Variants in FMNL2 observed in about 807,000 individuals in gnomAD.
The protein encoded by FMNL2 is formin like 2, also known as formin-like protein 2.
Under a neutral mutation model 130.2 loss-of-function variants are expected in FMNL2, and 51 were observed. The ratio of observed to expected loss-of-function variants is 0.39; its 90% CI spans 0.31 to 0.49. The LOEUF is 0.49. FMNL2 is among the 20% of genes least tolerant of loss of function. FMNL2 has a pLI of 0.85. For synonymous variants in FMNL2, 465 were observed against 467.1 expected (o/e 1.00, Z 0.06); for missense variants, 977 against 1,316.2 (o/e 0.74, Z 3.99).
chr2:152,422,066 T>C (rs547523390), intron 1 of FMNL2, among the ~76,000 whole-genome samples: 6 of 152,196 alleles, frequency 3.9e-5, no homozygotes, highest in African/African-American at 1.4e-4. Flanking sequence ...TCTAATCACC[T>C]TTGTAAATCT....
chr2:152,605,791 G>A (rs985482117), intron 9 of FMNL2, among the ~76,000 whole-genome samples: 3 of 152,178 alleles, frequency 2.0e-5, no homozygotes, highest in Admixed American at 2.0e-4. Flanking sequence ...GAGACTAGGA[G>A]GCCCTCAGAG....
At chr2:152,587,378 T>C (rs937582015) in intron 9 of FMNL2, among the ~76,000 whole-genome samples, 7 of 152,180 alleles carry the variant, frequency 4.6e-5, no homozygotes, top group Non-Finnish European at 8.8e-5. Flanking sequence ...GCTCATACCA[T>C]TGTAGTCTGT....
At chr2:152,559,382 G>A (rs113018659) in intron 5 of FMNL2, among the ~76,000 whole-genome samples, 196 of 152,114 alleles carry the variant, frequency 1.3e-3, no homozygotes, top group African/African-American at 4.5e-3. Flanking sequence ...GCATGATCTC[G>A]GCTCACTGCA....
At position 152,649,564 on chromosome 2, in the gene FMNL2, T is replaced by G. The variant is rs1346702241; in HGVS notation, c.*1659T>G. On this transcript the variant is annotated 3_prime_UTR_variant, in exon 26 of 26. Transcript: ENST00000288670. ...GTCTTTCTGTGGACTCAACATTCAC[T>G]TCGATTAAAAATAGCAATTTGACCA... The G allele has an allele frequency of 1.3e-5, 2 of 152,586 alleles. No individual in the cohort carries two copies. The highest frequency in any genetic ancestry group is 2.9e-5 in the Non-Finnish European group (2 of 68,032). The allele number at this position is 152,586 out of a possible 1,614,324, so 9.5% of individuals were successfully genotyped here. A position where few individuals can be genotyped will look rare whatever the true frequency, so the allele number is the denominator to read the frequency against.
Position 152,604,608 on chromosome 2 carries a change from T to A in FMNL2, c.877-2731T>A, listed in dbSNP as rs7561791. Among the ~76,000 whole-genome samples the A allele has an allele frequency of 9.4e-3, 1,429 of 152,160 alleles. 24 individuals are homozygous for A. Among genetic ancestry groups the A allele is most frequent in the African/African-American group, 0.033 (1,366 of 41,512 alleles). On this transcript the variant is annotated intron_variant, in intron 9 of 25. Coordinates refer to ENST00000288670, the MANE Select transcript of FMNL2 (RefSeq NM_052905.4). ...CAACAAGACCAAAGTACACTGTTTT[T>A]TTTTTGAGACAGAGTCTCACTTTGT...
intron 1 of FMNL2, among the ~76,000 whole-genome samples, chr2:152,335,947 G>C (rs999845191): frequency 6.6e-6 from 1 of 151,858 alleles, no homozygotes; most frequent in Non-Finnish European, 1.5e-5. Context: ...GCTCAGGGCC[G>C]GCTGCCCAAC....
At chr2:152,543,749 A>AAAAAT (rs34186477) in intron 3 of FMNL2, among the ~76,000 whole-genome samples, 1 of 146,836 alleles carries the variant, frequency 6.8e-6, no homozygotes, top group Non-Finnish European at 1.5e-5. Context: ...AAAAAAAAAA[A>AAAAAT]GTCCAGCAAA....
chr2:152,368,099 T>C (rs1237950897), intron 1 of FMNL2, among the ~76,000 whole-genome samples: 1 of 152,192 alleles, frequency 6.6e-6, no homozygotes, highest in Non-Finnish European at 1.5e-5. Flanking sequence ...TTGCTGAAGT[T>C]CAAGGCTTTT....
chr2:152,449,141 G>A (rs1296175608), intron 1 of FMNL2, among the ~76,000 whole-genome samples: 1 of 152,174 alleles, frequency 6.6e-6, no homozygotes, highest in Admixed American at 6.5e-5. Flanking sequence ...TGCTAGAAAG[G>A]ACTAGATGAT....
intron 12 of FMNL2, among the ~76,000 whole-genome samples, chr2:152,615,537 C>T (rs910123024): frequency 3.3e-5 from 5 of 152,118 alleles, no homozygotes; most frequent in South Asian, 2.1e-4. Context: ...TGAAGAATGT[C>T]CTCAGTATCG....
chr2:152,367,560 A>G (rs1039551948), intron 1 of FMNL2, among the ~76,000 whole-genome samples: 4 of 152,154 alleles, frequency 2.6e-5, no homozygotes, highest in African/African-American at 9.7e-5. Flanking sequence ...TTGGATCCCC[A>G]TGAGCACTGG....
At chr2:152,420,793 C>T (rs1048841323) in intron 1 of FMNL2, among the ~76,000 whole-genome samples, 5 of 152,170 alleles carry the variant, frequency 3.3e-5, no homozygotes, top group South Asian at 2.1e-4. Flanking sequence ...CCTTCTGTGA[C>T]GGTACCTTTG....
intron 1 of FMNL2, among the ~76,000 whole-genome samples, chr2:152,454,206 G>A (rs1198822731): frequency 6.6e-6 from 1 of 152,156 alleles, no homozygotes; most frequent in African/African-American, 2.4e-5. Context: ...GAATTTGGGA[G>A]GCAGCGGTTG....
In FMNL2 at chr2:152,437,653, C is replaced by T. The variant is rs138410694; in HGVS notation, c.118-84290C>T. On this transcript the variant is annotated intron_variant, in intron 1 of 25. Transcript: ENST00000288670. ...AAACTGACTATATTTTACAGTCTAT[C>T]GGTTTGTGTGAAACTGAGAGCAACC... 3.5e-3 allele frequency among the ~76,000 whole-genome samples: 529 copies of T among 152,200 alleles called. 1 individual carries two copies. The highest frequency in any genetic ancestry group is 0.012 in the African/African-American group (505 of 41,542).
chr2:152,618,740 T>C (rs1699078864), intron 13 of FMNL2, 106 bp from the exon 14 acceptor site: 1 of 990,610 alleles, frequency 1.0e-6, no homozygotes, highest in East Asian at 2.6e-5. Context: ...AGAATTCCCA[T>C]TCATATGAGT....
chr2:152,347,580 A>T (rs1439096036), intron 1 of FMNL2, among the ~76,000 whole-genome samples: 2 of 152,220 alleles, frequency 1.3e-5, no homozygotes, highest in Non-Finnish European at 2.9e-5. Flanking sequence ...AATTTTGGGC[A>T]TTAATACTTG....
chr2:152,626,035 T>TTAG (rs1681761948), intron 16 of FMNL2, among the ~76,000 whole-genome samples: 1 of 151,750 alleles, frequency 6.6e-6, no homozygotes, highest in Non-Finnish European at 1.5e-5. Context: ...TATTTTTAAA[T>TTAG]TATTATTATT....
chr2:152,642,130 T>C (rs577677294), intron 25 of FMNL2, among the ~76,000 whole-genome samples: 32 of 152,178 alleles, frequency 2.1e-4, no homozygotes, highest in South Asian at 1.5e-3. Flanking sequence ...GTAGTAGAGA[T>C]GGGGTTTCAC....
intron 1 of FMNL2, among the ~76,000 whole-genome samples, chr2:152,368,499 A>G (rs1259310646): frequency 2.0e-5 from 3 of 151,962 alleles, no homozygotes; most frequent in Non-Finnish European, 4.4e-5. Context: ...AATAGCAACT[A>G]ATTCTTCCTT....
Sources: gnomAD v4.1 joint callset for allele counts (sites outside exome capture counted in the v4.1 genomes callset) on GRCh38, gnomAD v4.1.1 for gene constraint, MANE v1.5 for transcripts, NCBI Gene and HGNC (gene_info 2026-07-23, HGNC 2026-07-21) for gene names.